DAB2IP: variants seen among roughly 807,000 people sequenced by gnomAD.
The protein encoded by DAB2IP is DAB2 interacting protein, also known as disabled homolog 2-interacting protein.
DAB2IP carries 28 observed loss-of-function variants against 107.2 expected under a neutral mutation model. The observed-to-expected ratio is 0.26, with a 90% CI of 0.19 to 0.36. The LOEUF (loss-of-function observed/expected upper bound fraction) is 0.36, where lower values mean the gene tolerates loss of function less well. Among genes scored for constraint, DAB2IP ranks in the 10% least tolerant of loss-of-function variants. DAB2IP has a pLI of 1.00. For missense variants in DAB2IP, 1,400 were observed against 1,644.7 expected, an observed-to-expected ratio of 0.85 and a Z score of 2.57; for synonymous variants, 755 against 706.4, an observed-to-expected ratio of 1.07 and a Z score of -1.09.
chr9:121,600,881 G>A (rs1830666615), intron 1 of DAB2IP, among the ~76,000 whole-genome samples: 1 of 152,164 alleles, frequency 6.6e-6, no homozygotes, highest in Admixed American at 6.5e-5. Flanking sequence ...TGGCTCGTAG[G>A]ACAGCCATCT....
chr9:121,670,739 G>A (rs1239660963), intron 1 of DAB2IP, among the ~76,000 whole-genome samples: 1 of 152,164 alleles, frequency 6.6e-6, no homozygotes. Context: ...TCATTTGGCC[G>A]GGCACAGTGG....
At chr9:121,738,925 A>C (rs530055842) in intron 3 of DAB2IP, among the ~76,000 whole-genome samples, 56 of 152,380 alleles carry the variant, frequency 3.7e-4, no homozygotes, top group African/African-American at 1.3e-3. Context: ...GATAAGAAAT[A>C]AGCAGAGAAA....
chr9:121,710,236 C>T (rs1830274914), intron 3 of DAB2IP, among the ~76,000 whole-genome samples: 1 of 152,192 alleles, frequency 6.6e-6, no homozygotes, highest in South Asian at 2.1e-4. Context: ...ACAGGATTTG[C>T]ATCCAGGTCT....
At chr9:121,721,122 A>G (rs1456736939) in intron 3 of DAB2IP, among the ~76,000 whole-genome samples, 1 of 152,178 alleles carries the variant, frequency 6.6e-6, no homozygotes, top group Non-Finnish European at 1.5e-5. Context: ...TTTAGAAGGC[A>G]GGAAGGTGCC....
intron 2 of DAB2IP, among the ~76,000 whole-genome samples, chr9:121,693,038 A>T (rs1829239668): frequency 6.6e-6 from 1 of 152,216 alleles, no homozygotes; most frequent in African/African-American, 2.4e-5. Flanking sequence ...GAGCTTGGTG[A>T]TCACCCAGTC....
chr9:121,718,384 T>A (rs186438622), intron 3 of DAB2IP, among the ~76,000 whole-genome samples: 1 of 152,270 alleles, frequency 6.6e-6, no homozygotes, highest in Non-Finnish European at 1.5e-5. Flanking sequence ...GCCCAAGGGA[T>A]GTCATCAACA....
At chr9:121,706,001 C>T (rs1589551798) in intron 3 of DAB2IP, among the ~76,000 whole-genome samples, 1 of 152,202 alleles carries the variant, frequency 6.6e-6, no homozygotes, top group Non-Finnish European at 1.5e-5. Context: ...GCATCCAGCT[C>T]CCCCAGTCGG....
intron 2 of DAB2IP, among the ~76,000 whole-genome samples, chr9:121,695,010 G>A (rs534355304): frequency 6.6e-6 from 1 of 152,274 alleles, no homozygotes; most frequent in African/African-American, 2.4e-5. Context: ...GACTGTGTAG[G>A]CTGCTTGCTG....
At chr9:121,711,585 T>A (rs568410334) in intron 3 of DAB2IP, among the ~76,000 whole-genome samples, 1 of 152,366 alleles carries the variant, frequency 6.6e-6, no homozygotes, top group East Asian at 1.9e-4. Context: ...TGAGGTGTTA[T>A]GTCTCCTCAG....
At chr9:121,761,700 C>T (rs1442472865) in intron 6 of DAB2IP, among the ~76,000 whole-genome samples, 3 of 152,156 alleles carry the variant, frequency 2.0e-5, no homozygotes, top group African/African-American at 7.2e-5. Context: ...CCTCCCTCAC[C>T]TTCTCCCCCA....
intron 2 of DAB2IP, among the ~76,000 whole-genome samples, chr9:121,697,278 G>A (rs1347308026): frequency 6.6e-6 from 1 of 152,192 alleles, no homozygotes; most frequent in Admixed American, 6.5e-5. Context: ...ATGCTTCTTT[G>A]TTCTTCATAC....
rs1588027399 is a variant in DAB2IP, at chr9:121,782,753, C to A, written c.*255C>A. 10 of 1,348,086 alleles carry A rather than the reference C, an allele frequency of 7.4e-6. No homozygotes were observed. In the South Asian group the frequency reaches 1.5e-4, roughly 20 times the overall value. The allele number at this position is 1,348,086 out of a possible 1,614,324, so 83.5% of individuals were successfully genotyped here. ...ACTGCACGCTGGGGAGTGGGGACAG[C>A]CTGATGGGGCAGGGGGCCTGCCAAA... On this transcript the variant is annotated 3_prime_UTR_variant, in exon 16 of 16. Transcript: ENST00000408936. The surrounding 1 kb of genome is among the most constrained non-coding windows in gnomAD (Gnocchi z 6.1).
chr9:121,678,649 T>C (rs1369325593), intron 1 of DAB2IP, 29 bp from the exon 2 acceptor site: 1 of 1,477,214 alleles, frequency 6.8e-7, no homozygotes, highest in South Asian at 1.3e-5. Flanking sequence ...CTGTTCTTGT[T>C]CAACCTCTCT....
intron 1 of DAB2IP, among the ~76,000 whole-genome samples, chr9:121,601,277 T>C (rs1023027012): frequency 1.3e-5 from 2 of 152,208 alleles, no homozygotes; most frequent in Admixed American, 6.5e-5. Flanking sequence ...CAAAGTCACC[T>C]TCAAGATCAC....
At chr9:121,738,136 C>G (rs1564190003) in intron 3 of DAB2IP, among the ~76,000 whole-genome samples, 2 of 152,294 alleles carry the variant, frequency 1.3e-5, no homozygotes, top group South Asian at 4.1e-4. Flanking sequence ...TGTCCAGCGG[C>G]CTGGCTGCTG....
chr9:121,783,684 T>C, exon 16 of DAB2IP: 1 of 1,174,416 alleles, frequency 8.5e-7, no homozygotes, highest in Non-Finnish European at 1.3e-6. Context: ...ACCTGCCCCG[T>C]GTGTGTGGCC....
At chr9:121,671,168 A>G (rs1833666183) in intron 1 of DAB2IP, among the ~76,000 whole-genome samples, 1 of 151,608 alleles carries the variant, frequency 6.6e-6, no homozygotes, top group Non-Finnish European at 1.5e-5. Context: ...AAAAAACAAA[A>G]CAAAACAAAG....
rs1209028225 is a variant in DAB2IP, at chr9:121,593,741, C to T, written c.40+26513C>T. ...GGAGTGCAGTGGCATAATCTCGGCT[C>T]ACTGCAACCTCCACCTTCCAGGTTC... On this transcript the variant is annotated intron_variant, in intron 1 of 16. Coordinates refer to the DAB2IP transcript ENST00000259371. Among the ~76,000 whole-genome samples the T allele has an allele frequency of 3.4e-5, 5 of 145,806 alleles. No homozygotes were observed. The East Asian group carries it at 8.1e-4, about 24-fold the overall frequency.
chr9:121,752,198 C>G (rs1454855286), intron 3 of DAB2IP, among the ~76,000 whole-genome samples: 1 of 152,216 alleles, frequency 6.6e-6, no homozygotes, highest in African/African-American at 2.4e-5. Flanking sequence ...GAATGCTGCT[C>G]TTGGGACTTG....
Sources: gnomAD v4.1 joint callset for allele counts (sites outside exome capture counted in the v4.1 genomes callset) on GRCh38, gnomAD v4.1.1 for gene constraint, Gnocchi (gnomAD v3.1) non-coding constraint, MANE v1.5 for transcripts, NCBI Gene and HGNC (gene_info 2026-07-23, HGNC 2026-07-21) for gene names.